The following DPYD variants were observed in gnomAD, a reference collection of about 807,000 sequenced individuals.
DPYD encodes the protein dihydropyrimidine dehydrogenase [NADP(+)].
A neutral mutation model predicts 116.2 loss-of-function variants in DPYD; 109 were observed. That is an observed-to-expected ratio of 0.94 (90% CI 0.80 to 1.10). DPYD has a LOEUF of 1.10. DPYD is among the 50% of genes least tolerant of loss of function. The probability of loss-of-function intolerance (pLI) is 0.00; values close to 1 mark genes in which losing one functional copy is unlikely to be tolerated. For missense variants in DPYD, 1,302 were observed against 1,254.5 expected (o/e 1.04, Z -0.57); for synonymous variants, 440 against 432.0 (o/e 1.02, Z -0.23).
At chr1:97,232,321 G>A (rs1311246432) in intron 19 of DPYD, among the ~76,000 whole-genome samples, 1 of 152,072 alleles carries the variant, frequency 6.6e-6, no homozygotes, top group East Asian at 1.9e-4. Flanking sequence ...TGCTGTTATC[G>A]AGGTTTTATC....
chr1:97,463,365 T>C (rs1021982656), intron 13 of DPYD, among the ~76,000 whole-genome samples: 10 of 152,220 alleles, frequency 6.6e-5, no homozygotes, highest in African/African-American at 1.9e-4. Context: ...TTTGTCCTCC[T>C]TGCCTTCTGC....
chr1:97,198,307 T>G (rs899552721), intron 19 of DPYD, among the ~76,000 whole-genome samples: 27 of 152,270 alleles, frequency 1.8e-4, no homozygotes, highest in African/African-American at 6.5e-4. Flanking sequence ...TCTAAACAAA[T>G]AGGTTTCTTC....
At position 97,170,709 on chromosome 1, in the gene DPYD, T is replaced by C. The variant is rs536009004; in HGVS notation, c.2622+22360A>G. On this transcript the variant is annotated intron_variant, in intron 20 of 22. Transcript: ENST00000370192. The stretch of plus-strand genomic sequence containing the variant: ...TTTTTTTTTTGAGATAGAGTCCCGC[T>C]CTGTCACCCAGGCTGGAGTGCAGTG... Among the ~76,000 whole-genome samples the C allele has an allele frequency of 8.6e-3, 1,303 of 151,382 alleles. 18 individuals are homozygous for C. The highest frequency in any genetic ancestry group is 0.03 in the African/African-American group (1,237 of 41,240).
intron 1 of DPYD, among the ~76,000 whole-genome samples, chr1:97,899,201 G>A (rs1673234075): frequency 6.6e-6 from 1 of 151,452 alleles, no homozygotes; most frequent in Non-Finnish European, 1.5e-5. Context: ...TTTCTCTGGT[G>A]GTCTGAACCT....
intron 8 of DPYD, among the ~76,000 whole-genome samples, chr1:97,622,808 G>A (rs1331480110): frequency 1.3e-5 from 2 of 152,018 alleles, no homozygotes; most frequent in African/African-American, 2.4e-5. Context: ...ATACAAGACT[G>A]TATATAATTA....
chr1:97,910,368 C>A (rs974076636), intron 1 of DPYD, among the ~76,000 whole-genome samples: 7 of 151,936 alleles, frequency 4.6e-5, no homozygotes, highest in Non-Finnish European at 1.0e-4. Context: ...ACTAAAATAA[C>A]ATATTGTCAA....
At chr1:97,374,195 C>T (rs978019313) in intron 15 of DPYD, among the ~76,000 whole-genome samples, 2 of 152,118 alleles carry the variant, frequency 1.3e-5, no homozygotes, top group African/African-American at 4.8e-5. Flanking sequence ...AGAAAATCAA[C>T]ATTATCATAC....
At chr1:97,877,142 T>G (rs895951413) in intron 2 of DPYD, among the ~76,000 whole-genome samples, 1 of 151,894 alleles carries the variant, frequency 6.6e-6, no homozygotes, top group Non-Finnish European at 1.5e-5. Context: ...CAGTGTTGAG[T>G]GGAACATCAG....
chr1:97,216,719 T>C (rs1381587357), intron 19 of DPYD, among the ~76,000 whole-genome samples: 5 of 152,034 alleles, frequency 3.3e-5, no homozygotes, highest in Non-Finnish European at 7.4e-5. Context: ...TGTTTGAACC[T>C]GGGAGGCAGA....
intron 1 of DPYD, among the ~76,000 whole-genome samples, chr1:97,919,241 T>G (rs1361705645): frequency 6.6e-6 from 1 of 152,210 alleles, no homozygotes; most frequent in Non-Finnish European, 1.5e-5. Context: ...CTGAAGGTGT[T>G]TGAACACCAG....
At chr1:97,189,144 C>T (rs1164433012) in intron 20 of DPYD, among the ~76,000 whole-genome samples, 3 of 152,034 alleles carry the variant, frequency 2.0e-5, no homozygotes, top group Non-Finnish European at 4.4e-5. Context: ...GTCTAGAGAA[C>T]TTAGATACAA....
chr1:97,343,671 T>C (rs1181705583), intron 16 of DPYD, among the ~76,000 whole-genome samples: 1 of 152,022 alleles, frequency 6.6e-6, no homozygotes, highest in Non-Finnish European at 1.5e-5. Context: ...TAGAAAGGTT[T>C]GATTAGGTTT....
intron 20 of DPYD, among the ~76,000 whole-genome samples, chr1:97,118,189 C>T (rs1652130994): frequency 6.6e-6 from 1 of 152,072 alleles, no homozygotes; most frequent in South Asian, 2.1e-4. Flanking sequence ...ACTGACCTTG[C>T]TGATGCAAGG....
intron 18 of DPYD, among the ~76,000 whole-genome samples, chr1:97,276,043 T>A (rs908663612): frequency 6.6e-6 from 1 of 152,178 alleles, no homozygotes; most frequent in African/African-American, 2.4e-5. Flanking sequence ...GTTTATGGCA[T>A]GAAGGTTCAA....
chr1:97,096,285 A>C (rs780879198), intron 21 of DPYD, among the ~76,000 whole-genome samples: 1 of 152,116 alleles, frequency 6.6e-6, no homozygotes, highest in Non-Finnish European at 1.5e-5. Context: ...ATCAATATTT[A>C]ATATACAATC....
At chr1:97,163,140 T>C (rs1042222968) in intron 20 of DPYD, among the ~76,000 whole-genome samples, 1 of 151,794 alleles carries the variant, frequency 6.6e-6, no homozygotes, top group Non-Finnish European at 1.5e-5. Context: ...TGGGATCTAA[T>C]TAAACTAAAG....
intron 14 of DPYD, among the ~76,000 whole-genome samples, chr1:97,444,229 G>T (rs774573632): frequency 2.6e-5 from 4 of 152,036 alleles, no homozygotes; most frequent in Admixed American, 1.3e-4. Context: ...AAGAGAGTTG[G>T]AATAACACAT....
rs546858979 is a variant in DPYD, at chr1:97,087,253, C to T, written c.2767-4783G>A. ...TTTTTCATCAGTGTGGTATAGTGAT[C>T]TCTTACAAAAGCACTTAAAAATATA... On this transcript the variant is annotated intron_variant, in intron 21 of 22. Coordinates refer to ENST00000370192, the MANE Select transcript of DPYD (RefSeq NM_000110.4). 1.1e-4 allele frequency among the ~76,000 whole-genome samples: 16 copies of T among 152,280 alleles called. No individual in the cohort carries two copies. The East Asian group carries it at 2.9e-3, about 28-fold the overall frequency.
chr1:97,806,420 ACT>A (rs1393210031), intron 3 of DPYD, among the ~76,000 whole-genome samples: 1 of 151,710 alleles, frequency 6.6e-6, no homozygotes, highest in African/African-American at 2.4e-5. Context: ...TGTTGAGCAC[ACT>A]CTCAGGTTTC....
Sources: gnomAD v4.1 joint callset for allele counts (sites outside exome capture counted in the v4.1 genomes callset) on GRCh38, gnomAD v4.1.1 for gene constraint, MANE v1.5 for transcripts, NCBI Gene and HGNC (gene_info 2026-07-23, HGNC 2026-07-21) for gene names.